FRMPD4: variants seen among roughly 807,000 people sequenced by gnomAD.
FRMPD4 encodes FERM and PDZ domain-containing protein 4.
FRMPD4 carries 22 observed loss-of-function variants against 94.1 expected under a neutral mutation model. The observed-to-expected ratio is 0.23, with a 90% CI of 0.17 to 0.33. FRMPD4 has a LOEUF of 0.33. Ranked by LOEUF, FRMPD4 falls within the 10% of genes least tolerant of loss-of-function variation. FRMPD4 has a pLI of 1.00. For synonymous variants in FRMPD4, 631 were observed against 548.6 expected, an observed-to-expected ratio of 1.15 and a Z score of -2.10; for missense variants, 1,111 against 1,339.9, an observed-to-expected ratio of 0.83 and a Z score of 2.67.
chrX:12,399,036 C>T (rs2056578637), intron 1 of FRMPD4, among the ~76,000 whole-genome samples: 1 of 111,135 alleles, frequency 9.0e-6, no homozygotes, highest in Non-Finnish European at 1.9e-5. Context: ...TTACTGGGAG[C>T]AAGGCTCAGC....
At chrX:12,213,559 G>A (rs1318161103) in intron 1 of FRMPD4, among the ~76,000 whole-genome samples, 1 of 111,967 alleles carries the variant, frequency 8.9e-6, no homozygotes, top group Admixed American at 9.5e-5. Flanking sequence ...ATTTTTGTTT[G>A]TAGGTTCCTA....
intron 1 of FRMPD4, among the ~76,000 whole-genome samples, chrX:12,429,621 T>A (rs2056989650): frequency 8.9e-6 from 1 of 112,313 alleles, no homozygotes; most frequent in African/African-American, 3.2e-5. Flanking sequence ...TTTCTTATTA[T>A]TGTTTTTACA....
intron 1 of FRMPD4, among the ~76,000 whole-genome samples, chrX:12,157,551 C>T (rs746603954): frequency 1.1e-4 from 12 of 111,603 alleles, no homozygotes; most frequent in African/African-American, 3.9e-4. Context: ...CAGAGCTCCC[C>T]GTAACCACAG....
intron 1 of FRMPD4, among the ~76,000 whole-genome samples, chrX:11,838,128 A>G: frequency 9.0e-6 from 1 of 111,699 alleles, no homozygotes; most frequent in Non-Finnish European, 1.9e-5. Context: ...CTTTTCTAAT[A>G]AAGTTAATGC....
At chrX:12,235,273 C>T (rs16986804) in intron 1 of FRMPD4, among the ~76,000 whole-genome samples, 2,270 of 110,988 alleles carry the variant, frequency 0.02, 64 homozygotes, top group African/African-American at 0.066. Context: ...ATAATGTGTG[C>T]CGACCTCAAG....
At chrX:12,587,924 ATTC>A (rs2058947384) in intron 2 of FRMPD4, among the ~76,000 whole-genome samples, 1 of 112,245 alleles carries the variant, frequency 8.9e-6, no homozygotes, top group South Asian at 3.7e-4. Flanking sequence ...GGCCTGTAGA[ATTC>A]TTCTTATGTC....
At chrX:12,455,792 A>G (rs1468916752) in intron 1 of FRMPD4, among the ~76,000 whole-genome samples, 1 of 112,199 alleles carries the variant, frequency 8.9e-6, no homozygotes, top group Non-Finnish European at 1.9e-5. Flanking sequence ...TTGTTCTACC[A>G]CAAACTGGTC....
At chrX:12,529,042 G>T (rs2058257463) in intron 2 of FRMPD4, among the ~76,000 whole-genome samples, 1 of 112,509 alleles carries the variant, frequency 8.9e-6, no homozygotes, top group African/African-American at 3.2e-5. Flanking sequence ...TCTCCCATGG[G>T]TCAGAAATTT....
intron 2 of FRMPD4, among the ~76,000 whole-genome samples, chrX:12,570,285 C>A (rs2058748998): frequency 1.1e-5 from 1 of 94,435 alleles, no homozygotes; most frequent in East Asian, 3.1e-4. Context: ...ACTCTCTGAA[C>A]TTTACATATA....
chrX:11,999,304 A>C (rs2054512032), intron 3 of FRMPD4, among the ~76,000 whole-genome samples: 1 of 111,865 alleles, frequency 8.9e-6, no homozygotes, highest in Non-Finnish European at 1.9e-5. Context: ...AAAAGCAATA[A>C]AGATATTGCT....
intron 1 of FRMPD4, among the ~76,000 whole-genome samples, chrX:12,356,935 A>G (rs2055903788): frequency 8.9e-6 from 1 of 111,891 alleles, no homozygotes; most frequent in Admixed American, 9.5e-5. Context: ...TTCCCTTTTA[A>G]CCTTACTTCC....
chrX:11,923,656 T>C (rs1457201647), intron 3 of FRMPD4, among the ~76,000 whole-genome samples: 1 of 112,212 alleles, frequency 8.9e-6, no homozygotes, highest in African/African-American at 3.2e-5. Flanking sequence ...AGTCCAGGTG[T>C]TGAGAGTTGA....
intron 1 of FRMPD4, among the ~76,000 whole-genome samples, chrX:12,212,171 A>G (rs959227874): frequency 3.6e-5 from 4 of 111,361 alleles, no homozygotes; most frequent in African/African-American, 1.3e-4. Context: ...TCTGTTGCAT[A>G]TTTGTCCTTT....
intron 1 of FRMPD4, among the ~76,000 whole-genome samples, chrX:12,364,209 C>A (rs955441200): frequency 9.0e-6 from 1 of 111,324 alleles, no homozygotes; most frequent in African/African-American, 3.3e-5. Context: ...GTAAGGCCAA[C>A]AGATCAGGAG....
chrX:12,619,924 C>A (rs1179761453), intron 4 of FRMPD4, among the ~76,000 whole-genome samples: 1 of 112,648 alleles, frequency 8.9e-6, no homozygotes, highest in African/African-American at 3.2e-5. Flanking sequence ...TAGGAGCAGT[C>A]GTGCCCACCC....
chrX:12,271,993 G>C (rs2054361052), intron 1 of FRMPD4, among the ~76,000 whole-genome samples: 1 of 112,283 alleles, frequency 8.9e-6, no homozygotes. Flanking sequence ...GCACTGTATG[G>C]TGATTAACAA....
intron 1 of FRMPD4, among the ~76,000 whole-genome samples, chrX:12,449,817 C>G (rs1377153320): frequency 9.1e-6 from 1 of 110,409 alleles, no homozygotes; most frequent in African/African-American, 3.3e-5. Flanking sequence ...GGGAGACCAC[C>G]ATCTCTATTA....
chrX:12,132,300 T>C (rs2055559676), intron 3 of FRMPD4, among the ~76,000 whole-genome samples: 1 of 110,901 alleles, frequency 9.0e-6, no homozygotes, highest in African/African-American at 3.3e-5. Flanking sequence ...AAGGATGAAA[T>C]TGGCATTACC....
intron 1 of FRMPD4, among the ~76,000 whole-genome samples, chrX:12,486,861 C>T (rs1009504504): frequency 1.8e-5 from 2 of 112,026 alleles, no homozygotes; most frequent in Admixed American, 9.5e-5. Context: ...TCAGTGATAA[C>T]ATGCCTATCA....
Sources: allele counts gnomAD v4.1 joint callset (sites outside exome capture counted in the v4.1 genomes callset), GRCh38; gene constraint gnomAD v4.1.1; transcripts MANE v1.5; gene names NCBI Gene and HGNC (gene_info 2026-07-23, HGNC 2026-07-21).